TOMM20: variants seen among roughly 807,000 people sequenced by gnomAD.
TOMM20 encodes the protein translocase of outer mitochondrial membrane 20, also known as mitochondrial import receptor subunit TOM20 homolog.
TOMM20 carries 10 observed loss-of-function variants against 22.1 expected under a neutral mutation model. The observed-to-expected ratio is 0.45, with a 90% CI of 0.28 to 0.77. The LOEUF (loss-of-function observed/expected upper bound fraction) is 0.77, where lower values mean the gene tolerates loss of function less well. Among genes scored for constraint, TOMM20 ranks in the 30% least tolerant of loss-of-function variants. The pLI, the probability that TOMM20 is intolerant of heterozygous loss-of-function variation, is 0.13. For synonymous variants in TOMM20, 55 were observed against 61.4 expected, an observed-to-expected ratio of 0.90 and a Z score of 0.49; for missense variants, 121 against 172.2, an observed-to-expected ratio of 0.70 and a Z score of 1.66.
chr1:235,116,939 T>G (rs11579704), intron 3 of TOMM20, among the ~76,000 whole-genome samples: 282 of 150,110 alleles, frequency 1.9e-3, no homozygotes, highest in African/African-American at 6.1e-3. Context: ...ATCGAGACCA[T>G]CCTGGCTAAC....
At chr1:235,122,274 TA>T (rs1660942659) in intron 2 of TOMM20, 51 bp downstream of exon 2, 1 of 1,387,542 alleles carries the variant, frequency 7.2e-7, no homozygotes, top group African/African-American at 1.5e-5. Context: ...TTACAGATTT[TA>T]AAATAATATT....
Position 235,111,497 on chromosome 1 carries a change from C to T in TOMM20, c.*567G>A, listed in dbSNP as rs1427622476. On this transcript the variant is annotated 3_prime_UTR_variant, in exon 5 of 5. Coordinates refer to ENST00000366607, the MANE Select transcript of TOMM20 (RefSeq NM_014765.3). ...ATTAAGCCTACTGATTTAAACAGAACATTTCAAGACTGCTACACAGAAAGG... is the reference window on the plus strand; with the variant it reads ...ATTAAGCCTACTGATTTAAACAGAATATTTCAAGACTGCTACACAGAAAGG... 1 of 153,620 alleles carries T rather than the reference C, an allele frequency of 6.5e-6. No individual in the cohort carries two copies. The highest frequency in any genetic ancestry group is 2.4e-5 in the African/African-American group (1 of 41,462). 9.5% of individuals were successfully genotyped at this position (153,620 alleles called of 1,614,324 possible). A position where few individuals can be genotyped will look rare whatever the true frequency, so the allele number is the denominator to read the frequency against.
At position 235,128,577 on chromosome 1, in the gene TOMM20, G is replaced by A. The variant is rs1263607541; in HGVS notation, c.121+18C>T. 1.2e-6 allele frequency: 2 copies of A among 1,611,802 alleles called. No individual in the cohort carries two copies. The highest frequency in any genetic ancestry group is 2.2e-5 in the East Asian group (1 of 44,892). On this transcript the variant is annotated intron_variant, in intron 1 of 4. Transcript: ENST00000366607. ...CCGAAGGCAGCAAGCCTGGCCAGGG[G>A]AGAGAGGACCCACTCACGTTCTCGA... is the stretch of plus-strand genomic sequence containing the variant.
chr1:235,116,918 A>C (rs73112766), intron 3 of TOMM20, among the ~76,000 whole-genome samples: 15 of 149,394 alleles, frequency 1.0e-4, no homozygotes, highest in Middle Eastern at 7.4e-3. Context: ...GGCGGATCAC[A>C]AGGTCAGGAG....
intron 1 of TOMM20, chr1:235,127,765 T>C: frequency 2.2e-6 from 1 of 452,870 alleles, no homozygotes. Context: ...CACAACGGTT[T>C]TCATGACACG....
In TOMM20 at chr1:235,123,551, T is replaced by C. The variant is rs75097510; in HGVS notation, c.122-1179A>G. On this transcript the variant is annotated intron_variant, in intron 1 of 4. Transcript: ENST00000366607. ...CTATGGTCAAGGTACCTTTTCTTAG[T>C]CAACCCTCATAAACTGGATTTCATC... 4.1e-4 allele frequency among the ~76,000 whole-genome samples: 62 copies of C among 152,300 alleles called. No homozygotes were observed. The South Asian group carries it at 9.5e-3, about 23-fold the overall frequency.
In TOMM20 at chr1:235,128,834, A is replaced by T; in HGVS notation, c.-119T>A. On this transcript the variant is annotated 5_prime_UTR_variant, in exon 1 of 5. Coordinates refer to ENST00000366607, the MANE Select transcript of TOMM20 (RefSeq NM_014765.3). Reference sequence around the variant, plus strand: ...CGACGGCCGCGGGCCAGGAACACAGAAAGGCCGAGCACACGCCACTTCCGG... The same window carrying T: ...CGACGGCCGCGGGCCAGGAACACAGTAAGGCCGAGCACACGCCACTTCCGG... The T allele has an allele frequency of 6.6e-7, 1 of 1,510,560 alleles. No individual in the cohort carries two copies. Among genetic ancestry groups the T allele is most frequent in the South Asian group, 1.2e-5 (1 of 81,488 alleles). The allele number at this position is 1,510,560 out of a possible 1,614,324, so 93.6% of individuals were successfully genotyped here. A position where few individuals can be genotyped will look rare whatever the true frequency, so the allele number is the denominator to read the frequency against.
chr1:235,117,942 G>C (rs1362486844), intron 3 of TOMM20, among the ~76,000 whole-genome samples: 1 of 152,142 alleles, frequency 6.6e-6, no homozygotes, highest in Admixed American at 6.5e-5. Context: ...TCCTTTCCCA[G>C]GTATTGAAAT....
chr1:235,128,790 G>T lies in TOMM20; in HGVS notation c.-75C>A. The T allele has an allele frequency of 6.2e-7, 1 of 1,600,270 alleles. No individual in the cohort carries two copies. Among genetic ancestry groups the T allele is most frequent in the Non-Finnish European group, 8.5e-7 (1 of 1,174,506 alleles). On this transcript the variant is annotated 5_prime_UTR_variant, in exon 1 of 5. Transcript: ENST00000366607. ...GCGGTGGGCCACGAACCCTCAGAGC[G>T]GTCGGCGCAGCTCACACCCGACGGC...
At chr1:235,115,926 CAT>C (rs1660820312) in intron 3 of TOMM20, among the ~76,000 whole-genome samples, 1 of 152,200 alleles carries the variant, frequency 6.6e-6, no homozygotes, top group Admixed American at 6.5e-5. Context: ...ACTACATGTA[CAT>C]GTGTCCCCTT....
At chr1:235,119,699 G>C (rs182185551) in intron 3 of TOMM20, 119 bp downstream of exon 3, 1 of 553,904 alleles carries the variant, frequency 1.8e-6, no homozygotes, top group East Asian at 2.9e-5. Flanking sequence ...AACTTGTCTT[G>C]AGATACTTGG....
intron 4 of TOMM20, among the ~76,000 whole-genome samples, chr1:235,112,453 C>A (rs984835254): frequency 6.6e-6 from 1 of 152,154 alleles, no homozygotes; most frequent in Non-Finnish European, 1.5e-5. Context: ...GATCCTCCCC[C>A]ACCTCAGCCT....
chr1:235,122,660 C>T (rs754064004), intron 1 of TOMM20, among the ~76,000 whole-genome samples: 1 of 152,146 alleles, frequency 6.6e-6, no homozygotes, highest in South Asian at 2.1e-4. Flanking sequence ...TTACAATAAG[C>T]AGATCAAGTC....
chr1:235,126,915 C>T (rs571216106), intron 1 of TOMM20, among the ~76,000 whole-genome samples: 2 of 152,356 alleles, frequency 1.3e-5, no homozygotes, highest in African/African-American at 4.8e-5. Context: ...CTTGAAGTTA[C>T]TTGCCTAAAG....
At chr1:235,124,310 G>A (rs953121707) in intron 1 of TOMM20, among the ~76,000 whole-genome samples, 17 of 152,252 alleles carry the variant, frequency 1.1e-4, no homozygotes, top group African/African-American at 4.1e-4. Context: ...TAGCGCCACT[G>A]CGCTCCAGCC....
rs756277453 is a variant in TOMM20 at position 235,113,837 on chromosome 1, C to T, written c.324G>A (p.Gln108=). 3.7e-5 allele frequency: 60 copies of T among 1,613,792 alleles called. No individual in the cohort carries two copies. In the South Asian group the frequency reaches 6.6e-4, roughly 18 times the overall value. Residue 108 remains glutamine, a synonymous_variant, in exon 4 of 5, where the codon CAG becomes CAA. Coordinates refer to ENST00000366607, the MANE Select transcript of TOMM20 (RefSeq NM_014765.3). The part of the protein sequence containing the change: ...AVCGQPQQLL[Q]VLQQTLPPPV... The stretch of plus-strand genomic sequence containing the variant: ...GTGGTGGAAGAGTTTGCTGTAAGAC[C>T]TGCAGTAACTGCTGTGGCTGTCCAC...
chr1:235,128,430 G>A (rs538140939), intron 1 of TOMM20, among the ~76,000 whole-genome samples, 165 bp downstream of exon 1: 10 of 152,342 alleles, frequency 6.6e-5, no homozygotes, highest in African/African-American at 1.9e-4. Flanking sequence ...TTCCTACGGG[G>A]CACTAGAGCC....
At position 235,122,392 on chromosome 1, in the gene TOMM20, A is replaced by G. The variant is rs373752326; in HGVS notation, c.122-20T>C. 5.1e-6 allele frequency: 8 copies of G among 1,576,756 alleles called. No homozygotes were observed. Among genetic ancestry groups the G allele is most frequent in the African/African-American group, 2.7e-5 (2 of 73,116 alleles). ...TTCTTCCTGCAAGAAATGCAAAGTT[A>G]TATTTACATTTTGTCATTATAAAAA... On this transcript the variant is annotated intron_variant, in intron 1 of 4. Coordinates refer to ENST00000366607, the MANE Select transcript of TOMM20 (RefSeq NM_014765.3).
chr1:235,118,904 T>G (rs1660879879), intron 3 of TOMM20, among the ~76,000 whole-genome samples: 1 of 152,188 alleles, frequency 6.6e-6, no homozygotes, highest in African/African-American at 2.4e-5. Flanking sequence ...AATTGAGCAA[T>G]TCTATTGATA....
Sources: gnomAD v4.1 joint callset for allele counts (sites outside exome capture counted in the v4.1 genomes callset) on GRCh38, gnomAD v4.1.1 for gene constraint, MANE v1.5 for transcripts, NCBI Gene and HGNC (gene_info 2026-07-23, HGNC 2026-07-21) for gene names.